The following SEC31B variants were observed in gnomAD, a reference collection of about 807,000 sequenced individuals.
SEC31B encodes the protein SEC31 homolog B, COPII component.
Under a neutral mutation model 135.0 loss-of-function variants are expected in SEC31B, and 113 were observed. That is an observed-to-expected ratio of 0.84 (90% CI 0.72 to 0.98). The LOEUF (loss-of-function observed/expected upper bound fraction) is 0.98. Ranked by LOEUF, SEC31B falls within the 50% of genes least tolerant of loss-of-function variation. The probability of loss-of-function intolerance (pLI) is 0.00; values close to 1 mark genes in which losing one functional copy is unlikely to be tolerated. For synonymous variants in SEC31B, 508 were observed against 549.4 expected (o/e 0.92, Z 1.05); for missense variants, 1,296 against 1,421.1 (o/e 0.91, Z 1.42).
intron 19 of SEC31B, among the ~76,000 whole-genome samples, chr10:100,493,668 T>G (rs1359357272): frequency 6.6e-6 from 1 of 152,144 alleles, no homozygotes; most frequent in Non-Finnish European, 1.5e-5. Context: ...ATGGTAAAAT[T>G]GAGTATCTTG....
rs1452175193 is a variant in SEC31B at position 100,506,356 on chromosome 10, T to C, written c.847A>G (p.Ser283Gly). The change falls in exon 8 of 26, where the codon AGC becomes GGC. Residue 283 changes from serine to glycine, a missense_variant. Transcript: ENST00000370345. ...AELLLTSAKD[S>G]QILCRNLGSS... is the part of the protein sequence containing the mutation. ...CCCAGGTTCCGGCACAAGATCTGGC[T>C]GTCCTTAGCACTAGTGAGCAGCAGC... The C allele has an allele frequency of 3.1e-6, 5 of 1,614,174 alleles. No individual in the cohort carries two copies. Among genetic ancestry groups the C allele is most frequent in the East Asian group, 2.2e-5 (1 of 44,874 alleles).
chr10:100,505,279 G>A (rs1396354487), intron 10 of SEC31B, 82 bp downstream of exon 10: 3 of 1,537,130 alleles, frequency 2.0e-6, no homozygotes, highest in Non-Finnish European at 2.6e-6. Flanking sequence ...CTCCATGCTG[G>A]GCACATGGTA....
chr10:100,500,107 T>C (rs926305888), intron 11 of SEC31B: 8 of 456,560 alleles, frequency 1.8e-5, no homozygotes, highest in African/African-American at 1.4e-4. Context: ...GCAACTTACA[T>C]ACCTGCCTGA....
rs890854537 is a variant in SEC31B, at chr10:100,489,504, G to A, written c.3025-106C>T. 4.9e-6 allele frequency: 7 copies of A among 1,434,324 alleles called. No homozygotes were observed. The African/African-American group carries it at 8.5e-5, about 17-fold the overall frequency. The allele number at this position is 1,434,324 out of a possible 1,614,324, so 88.8% of individuals were successfully genotyped here. ...TGAACAAGGAGACAGAAGAGTGAGTGTGGGAAACTGGGAAGTGAGGAGACT... is the reference window on the plus strand; with the variant it reads ...TGAACAAGGAGACAGAAGAGTGAGTATGGGAAACTGGGAAGTGAGGAGACT... On this transcript the variant is annotated intron_variant, in intron 22 of 25. Coordinates refer to ENST00000370345, the MANE Select transcript of SEC31B (RefSeq NM_015490.4).
intron 2 of SEC31B, 21 bp downstream of exon 2, chr10:100,516,853 T>A (rs1288322675): frequency 6.3e-7 from 1 of 1,585,694 alleles, no homozygotes; most frequent in Non-Finnish European, 8.7e-7. Context: ...CAGTGGATCC[T>A]AATTCACAGT....
intron 14 of SEC31B, among the ~76,000 whole-genome samples, chr10:100,498,485 T>C (rs541129821): frequency 2.4e-4 from 37 of 152,276 alleles, no homozygotes; most frequent in African/African-American, 8.9e-4. Context: ...GCAAGAAGGA[T>C]AGAAGAAAAT....
chr10:100,492,940 GC>G (rs1170374794), intron 19 of SEC31B, among the ~76,000 whole-genome samples: 2 of 152,206 alleles, frequency 1.3e-5, no homozygotes, highest in Non-Finnish European at 2.9e-5. Flanking sequence ...GGAGAAACAT[GC>G]CACATTCATG....
intron 13 of SEC31B, among the ~76,000 whole-genome samples, 164 bp from the exon 14 acceptor site, chr10:100,498,968 G>A (rs946607624): frequency 2.0e-5 from 3 of 152,182 alleles, no homozygotes; most frequent in Non-Finnish European, 4.4e-5. Context: ...TTAAGACACA[G>A]CTCTCCACTC....
rs536397983 is a variant in SEC31B, at chr10:100,503,741, C to CT, written c.1180-1258dup. Among the ~76,000 whole-genome samples the CT allele has an allele frequency of 7.6e-3, 1,101 of 145,322 alleles. 13 individuals are homozygous for CT. Among genetic ancestry groups the CT allele is most frequent in the African/African-American group, 0.022 (887 of 39,624 alleles). The stretch of plus-strand genomic sequence containing the variant: ...TAAGCCACCAGCGCCTGGCCGACAA[C>CT]TTTTTTTTTTTTTTAATTTTTACTT... On this transcript the variant is annotated intron_variant, in intron 10 of 25. Coordinates refer to ENST00000370345, the MANE Select transcript of SEC31B (RefSeq NM_015490.4).
At position 100,509,112 on chromosome 10, in the gene SEC31B, T is replaced by C. The variant is rs1851689479; in HGVS notation, c.400-10A>G. 1.2e-6 allele frequency: 2 copies of C among 1,612,576 alleles called. No individual in the cohort carries two copies. The highest frequency in any genetic ancestry group is 1.6e-4 in the Middle Eastern group (1 of 6,062). On this transcript the variant is annotated splice_polypyrimidine_tract_variant and intron_variant, in intron 4 of 25. Coordinates refer to ENST00000370345, the MANE Select transcript of SEC31B (RefSeq NM_015490.4). ...AAGCCAGGAGGTTGCCCTGTATGAA[T>C]AAAAAGTGTTTGGAGACATACCACC...
At chr10:100,490,554 G>A (rs975315395) in intron 20 of SEC31B, 152 bp downstream of exon 20, 16 of 912,044 alleles carry the variant, frequency 1.8e-5, no homozygotes, top group African/African-American at 1.7e-4. Flanking sequence ...CCAAAGGTAC[G>A]AAGCCAGTGA....
In SEC31B at chr10:100,495,599, C is replaced by G. The variant is rs919518978; in HGVS notation, c.2311-53G>C. ...GTCAAGAAATTAAAACAATCAAGGCCCCAGGTAGCAGTCAAATTTCAGCTG... is the reference window on the plus strand; with the variant it reads ...GTCAAGAAATTAAAACAATCAAGGCGCCAGGTAGCAGTCAAATTTCAGCTG... On this transcript the variant is annotated intron_variant, in intron 18 of 25. Transcript: ENST00000370345. 4 of 1,558,394 alleles carry G rather than the reference C, an allele frequency of 2.6e-6. No homozygotes were observed. In the South Asian group the frequency reaches 4.7e-5, roughly 18 times the overall value.
intron 10 of SEC31B, among the ~76,000 whole-genome samples, chr10:100,504,762 AG>A (rs1434275790): frequency 1.3e-5 from 2 of 151,966 alleles, no homozygotes; most frequent in Non-Finnish European, 2.9e-5. Context: ...TATTTAAGAG[AG>A]GGGCCTTGAA....
chr10:100,516,870 A>G lies in SEC31B; in HGVS notation c.79+4T>C, dbSNP rs774872410. 5 of 1,611,492 alleles carry G rather than the reference A, an allele frequency of 3.1e-6. No individual in the cohort carries two copies. The highest frequency in any genetic ancestry group is 2.2e-5 in the South Asian group (2 of 91,042). ...GTGGATCCTAATTCACAGTGTCACC[A>G]TACCTGTGGCCAGATACAAAGGGTA... On this transcript the variant is annotated splice_donor_region_variant and intron_variant, in intron 2 of 25. Coordinates refer to ENST00000370345, the MANE Select transcript of SEC31B (RefSeq NM_015490.4).
chr10:100,487,429 G>A lies in SEC31B; in HGVS notation c.*187C>T, dbSNP rs1417585412. 1 of 610,296 alleles carries A rather than the reference G, an allele frequency of 1.6e-6. No individual in the cohort carries two copies. The highest frequency in any genetic ancestry group is 2.9e-6 in the Non-Finnish European group (1 of 348,496). The allele number at this position is 610,296 out of a possible 1,614,324, so 37.8% of individuals were successfully genotyped here. A position where few individuals can be genotyped will look rare whatever the true frequency, so the allele number is the denominator to read the frequency against. On this transcript the variant is annotated 3_prime_UTR_variant, in exon 26 of 26. Transcript: ENST00000370345. ...AGAGTGTCTTGGACAGATCCTAGAA[G>A]GCCAGACATAAAGGAGTAAAAAGCA...
intron 20 of SEC31B, 60 bp downstream of exon 20, chr10:100,490,646 C>G (rs1354384715): frequency 6.9e-7 from 1 of 1,457,794 alleles, no homozygotes; most frequent in African/African-American, 1.4e-5. Context: ...GCTGGCCATG[C>G]CAATTGCTTT....
chr10:100,495,689 GT>G, intron 18 of SEC31B, 143 bp from the exon 19 acceptor site: 1 of 989,292 alleles, frequency 1.0e-6, no homozygotes, highest in Non-Finnish European at 1.5e-6. Flanking sequence ...GTTCTGTTTT[GT>G]TTTGTTTTAG....
rs368541262 is a variant in SEC31B, at chr10:100,503,590, C to T, written c.1180-1106G>A. On this transcript the variant is annotated intron_variant, in intron 10 of 25. Coordinates refer to ENST00000370345, the MANE Select transcript of SEC31B (RefSeq NM_015490.4). ...CTGGGATTACAGGTATGCACCACCA[C>T]GCCCGGCTAATTTTGTATTTTTAGT... 8.6e-5 allele frequency among the ~76,000 whole-genome samples: 13 copies of T among 151,930 alleles called. No homozygotes were observed. The East Asian group carries it at 1.2e-3, about 14-fold the overall frequency.
intron 5 of SEC31B, 74 bp downstream of exon 5, chr10:100,508,933 C>T: frequency 8.3e-7 from 1 of 1,199,578 alleles, no homozygotes; most frequent in Non-Finnish European, 1.2e-6. Context: ...CTCTGATTGG[C>T]TCCAGAACTC....
Sources: allele counts gnomAD v4.1 joint callset (sites outside exome capture counted in the v4.1 genomes callset), GRCh38; gene constraint gnomAD v4.1.1; transcripts MANE v1.5; gene names NCBI Gene and HGNC (gene_info 2026-07-23, HGNC 2026-07-21).